Variants in OR3A2 observed in about 807,000 individuals in gnomAD.
OR3A2 encodes olfactory receptor 3A2.
For synonymous variants in OR3A2, 126 were observed against 159.3 expected (o/e 0.79, Z 1.57); for missense variants, 318 against 392.8 (o/e 0.81, Z 1.61).
chr17:3,320,412 G>C (rs1011026334), intron 3 of OR3A2, among the ~76,000 whole-genome samples: 3 of 143,074 alleles, frequency 2.1e-5, no homozygotes, highest in Non-Finnish European at 3.0e-5. Flanking sequence ...TTTGTCTTTT[G>C]TTGCCATTGC....
At chr17:3,371,427 C>A (rs1006653737) in intron 2 of OR3A2, among the ~76,000 whole-genome samples, 4 of 134,924 alleles carry the variant, frequency 3.0e-5, no homozygotes, top group African/African-American at 1.1e-4. Context: ...GGGGGCTGAC[C>A]CCCCCACCTC....
chr17:3,379,770 G>T (rs1475162520), intron 2 of OR3A2, among the ~76,000 whole-genome samples: 1 of 152,130 alleles, frequency 6.6e-6, no homozygotes, highest in Non-Finnish European at 1.5e-5. Flanking sequence ...AACACACCCC[G>T]TCCCTCACAT....
intron 3 of OR3A2, among the ~76,000 whole-genome samples, chr17:3,331,953 G>T (rs1437018985): frequency 6.6e-6 from 1 of 151,304 alleles, no homozygotes; most frequent in South Asian, 2.1e-4. Flanking sequence ...CTCAGCTGCA[G>T]GTCTGTTGGA....
rs370860794 is a variant in OR3A2 at position 3,359,436 on chromosome 17, CTCATT to C, written c.-178-23315_-178-23311del. On this transcript the variant is annotated intron_variant, in intron 2 of 4. Transcript: ENST00000573491. ...TAGTCTTTCCTTTCTATATTTAGTG[CTCATT>C]TCAAGATCTCTTGTAAGGCAGATCT... Among the ~76,000 whole-genome samples, 164 of 151,816 alleles carry C rather than the reference CTCATT, an allele frequency of 1.1e-3. 6 individuals are homozygous for C. The highest frequency in any genetic ancestry group is 3.9e-3 in the African/African-American group (159 of 41,134).
At chr17:3,373,218 T>C (rs965986221) in intron 2 of OR3A2, among the ~76,000 whole-genome samples, 1 of 152,254 alleles carries the variant, frequency 6.6e-6, no homozygotes, top group African/African-American at 2.4e-5. Flanking sequence ...GCCTATCATG[T>C]GGTCGATCTT....
At chr17:3,298,633 A>G (rs2048939573) in intron 3 of OR3A2, among the ~76,000 whole-genome samples, 1 of 152,222 alleles carries the variant, frequency 6.6e-6, no homozygotes, top group African/African-American at 2.4e-5. Context: ...TAAGTCCTCC[A>G]TGAAATAAGA....
At chr17:3,379,609 G>A (rs146275590) in intron 2 of OR3A2, among the ~76,000 whole-genome samples, 2 of 152,292 alleles carry the variant, frequency 1.3e-5, no homozygotes, top group East Asian at 1.9e-4. Context: ...GCTCAGGGAA[G>A]GGCACCCGCA....
intron 1 of OR3A2, chr17:3,279,153 C>A: frequency 3.0e-6 from 2 of 663,224 alleles, no homozygotes; most frequent in South Asian, 2.2e-5. Flanking sequence ...GGTCAGAATA[C>A]CTGGAACAAC....
chr17:3,340,958 G>A (rs1279849419), intron 2 of OR3A2, among the ~76,000 whole-genome samples: 2 of 152,136 alleles, frequency 1.3e-5, no homozygotes, highest in Non-Finnish European at 2.9e-5. Flanking sequence ...CCTGTATTGG[G>A]TGCATATATA....
chr17:3,344,722 T>A (rs1179137021), intron 2 of OR3A2, among the ~76,000 whole-genome samples: 2 of 152,142 alleles, frequency 1.3e-5, no homozygotes, highest in African/African-American at 4.8e-5. Context: ...GTTTATGAGC[T>A]TTGGGTGGGG....
chr17:3,332,805 C>A (rs974679346), intron 3 of OR3A2, among the ~76,000 whole-genome samples: 10 of 152,194 alleles, frequency 6.6e-5, no homozygotes, highest in African/African-American at 2.4e-4. Context: ...CCAAATAATA[C>A]TCTTATAATT....
At chr17:3,362,962 G>C (rs2049530730) in intron 2 of OR3A2, among the ~76,000 whole-genome samples, 1 of 151,908 alleles carries the variant, frequency 6.6e-6, no homozygotes, top group African/African-American at 2.4e-5. Flanking sequence ...TGGAGCTGCA[G>C]CAGCTGGGAT....
chr17:3,319,341 T>C (rs2049101093), intron 3 of OR3A2, among the ~76,000 whole-genome samples: 1 of 152,048 alleles, frequency 6.6e-6, no homozygotes, highest in South Asian at 2.1e-4. Context: ...TGCTGCTTTT[T>C]AAAATTTATA....
At chr17:3,347,506 G>C (rs145432154) in intron 2 of OR3A2, among the ~76,000 whole-genome samples, 1,972 of 151,966 alleles carry the variant, frequency 0.013, 17 homozygotes, top group South Asian at 0.021. Context: ...TTGGTTTTTT[G>C]TTCTTGCAAT....
At chr17:3,338,581 T>C (rs1423078198) in intron 2 of OR3A2, among the ~76,000 whole-genome samples, 2 of 152,218 alleles carry the variant, frequency 1.3e-5, no homozygotes, top group Non-Finnish European at 2.9e-5. Flanking sequence ...CAGATGGTTG[T>C]AGACGTGTGG....
At chr17:3,336,111 A>G (rs186634180) in exon 3 of OR3A2, 1 of 152,420 alleles carries the variant, frequency 6.6e-6, no homozygotes, top group Non-Finnish European at 1.5e-5. Context: ...TCTTCATTCA[A>G]CATTTTGTGG....
At chr17:3,383,006 A>G (rs2049751343) in intron 2 of OR3A2, among the ~76,000 whole-genome samples, 1 of 152,208 alleles carries the variant, frequency 6.6e-6, no homozygotes, top group East Asian at 1.9e-4. Context: ...CGGCTAGAGC[A>G]TTGTGTCCAA....
chr17:3,282,509 GA>G (rs139274589), intron 1 of OR3A2, among the ~76,000 whole-genome samples: 27,190 of 152,198 alleles, frequency 0.18, 2,997 homozygotes, highest in African/African-American at 0.29. Flanking sequence ...TCTCCAATGT[GA>G]GGCTGTCTCG....
chr17:3,285,160 G>A (rs1006305720), upstream of OR3A2, among the ~76,000 whole-genome samples: 6 of 152,246 alleles, frequency 3.9e-5, no homozygotes, highest in Middle Eastern at 3.4e-3. Flanking sequence ...GAGGCCTGGT[G>A]AAGGTGGCAG....
Sources: allele counts gnomAD v4.1 joint callset (sites outside exome capture counted in the v4.1 genomes callset), GRCh38; gene constraint gnomAD v4.1.1; transcripts MANE v1.5; gene names NCBI Gene and HGNC (gene_info 2026-07-23, HGNC 2026-07-21).